ANXA8: variants seen among roughly 807,000 people sequenced by gnomAD.
ANXA8 encodes the protein annexin A8, also known as VAC-beta.
Under a neutral mutation model 26.8 loss-of-function variants are expected in ANXA8, and 9 were observed. The observed-to-expected ratio is 0.34, with a 90% CI of 0.20 to 0.59. The LOEUF is 0.59. ANXA8 is among the 20% of genes least tolerant of loss of function. The pLI is 0.84. For missense variants in ANXA8, 83 were observed against 238.5 expected, an observed-to-expected ratio of 0.35 and a Z score of 4.29; for synonymous variants, 39 against 94.8, an observed-to-expected ratio of 0.41 and a Z score of 3.42.
chr10:47,626,135 T>C, the ANXA8 span, among the ~76,000 whole-genome samples: 32 of 150,346 alleles, frequency 2.1e-4, 3 homozygotes, highest in African/African-American at 6.8e-4. Context: ...TTTGAATAAA[T>C]TGAAACATAA....
At chr10:47,661,112 T>C in the ANXA8 span, among the ~76,000 whole-genome samples, 1 of 133,730 alleles carries the variant, frequency 7.5e-6, no homozygotes, top group Non-Finnish European at 1.5e-5. Flanking sequence ...GAAGCCATGG[T>C]TTTTAGTTTC....
chr10:47,534,521 C>T, the ANXA8 span, among the ~76,000 whole-genome samples: 2 of 139,880 alleles, frequency 1.4e-5, no homozygotes, highest in South Asian at 2.3e-4. Flanking sequence ...GAATCCATTG[C>T]CCATTTACAA....
chr10:47,496,930 T>C, the ANXA8 span, among the ~76,000 whole-genome samples: 1 of 132,612 alleles, frequency 7.5e-6, no homozygotes, highest in Non-Finnish European at 1.6e-5. Flanking sequence ...GCTGGGTTTC[T>C]CCATTGTAAA....
the ANXA8 span, among the ~76,000 whole-genome samples, chr10:47,609,323 T>G: frequency 6.9e-6 from 1 of 145,428 alleles, no homozygotes; most frequent in Non-Finnish European, 1.5e-5. Context: ...GAAAAAGATG[T>G]TTCCAGAAAA....
the ANXA8 span, among the ~76,000 whole-genome samples, chr10:47,673,603 G>A: frequency 1.4e-4 from 21 of 151,474 alleles, no homozygotes; most frequent in Non-Finnish European, 2.9e-5. Context: ...GGAGAATCTA[G>A]CAAACCAAAC....
At chr10:47,700,723 G>C in the ANXA8 span, among the ~76,000 whole-genome samples, 1 of 151,286 alleles carries the variant, frequency 6.6e-6, no homozygotes, top group Non-Finnish European at 1.5e-5. Context: ...TGACAAACTT[G>C]GAGAAAATAT....
the ANXA8 span, among the ~76,000 whole-genome samples, chr10:47,721,289 T>C: frequency 1.4e-5 from 2 of 142,042 alleles, no homozygotes; most frequent in Non-Finnish European, 3.1e-5. Flanking sequence ...TGGACAAAAA[T>C]ACTGCTCAAT....
chr10:47,982,813 T>C, the ANXA8 span, among the ~76,000 whole-genome samples: 67 of 57,962 alleles, frequency 1.2e-3, no homozygotes, highest in East Asian at 2.6e-3. Flanking sequence ...TATATATATA[T>C]ATATATATAT....
chr10:47,670,893 G>C, the ANXA8 span, among the ~76,000 whole-genome samples: 1 of 150,644 alleles, frequency 6.6e-6, no homozygotes, highest in Non-Finnish European at 1.5e-5. Context: ...GGTGTCATTT[G>C]TGTTTATTTA....
the ANXA8 span, among the ~76,000 whole-genome samples, chr10:47,533,435 G>GA: frequency 0.16 from 23,557 of 144,102 alleles, 1,536 homozygotes; most frequent in East Asian, 0.45. Context: ...CTCTGTGTCA[G>GA]AAAAATTTCT....
chr10:47,580,456 C>A, the ANXA8 span, among the ~76,000 whole-genome samples: 1 of 151,164 alleles, frequency 6.6e-6, no homozygotes, highest in Non-Finnish European at 1.5e-5. Flanking sequence ...ATATGAAGGG[C>A]CACATGTGTT....
At chr10:47,497,084 G>A in the ANXA8 span, among the ~76,000 whole-genome samples, 1 of 151,424 alleles carries the variant, frequency 6.6e-6, no homozygotes, top group Admixed American at 6.6e-5. Flanking sequence ...ACTTTGGGAT[G>A]CCGATGTGGG....
the ANXA8 span, among the ~76,000 whole-genome samples, chr10:47,594,918 C>G: frequency 1.3e-5 from 2 of 149,324 alleles, no homozygotes; most frequent in African/African-American, 2.6e-5. Context: ...CAGAGAACCT[C>G]TGTTATACAC....
At chr10:47,534,313 T>C in the ANXA8 span, among the ~76,000 whole-genome samples, 2 of 128,714 alleles carry the variant, frequency 1.6e-5, no homozygotes, top group Non-Finnish European at 3.1e-5. Flanking sequence ...GACTCCACTC[T>C]TCCAACTCAG....
the ANXA8 span, among the ~76,000 whole-genome samples, chr10:47,499,894 T>G: frequency 6.8e-6 from 1 of 147,020 alleles, no homozygotes. Flanking sequence ...TGCCATGCCA[T>G]GTAACTGAGG....
the ANXA8 span, among the ~76,000 whole-genome samples, chr10:47,493,137 T>C: frequency 2.6e-5 from 4 of 151,322 alleles, no homozygotes; most frequent in Admixed American, 1.3e-4. Flanking sequence ...TGGGCAGGGG[T>C]GAATCGGGGC....
At chr10:47,603,590 C>A in the ANXA8 span, among the ~76,000 whole-genome samples, 2 of 147,674 alleles carry the variant, frequency 1.4e-5, no homozygotes, top group Non-Finnish European at 2.9e-5. Context: ...CAGCTCACTA[C>A]AACCTCCACT....
the ANXA8 span, among the ~76,000 whole-genome samples, chr10:47,552,130 A>G: frequency 6.6e-6 from 1 of 151,752 alleles, no homozygotes; most frequent in Non-Finnish European, 1.5e-5. Context: ...GTTATGCTAT[A>G]AATTAGATGA....
chr10:47,650,852 G>A, the ANXA8 span, among the ~76,000 whole-genome samples: 1 of 146,904 alleles, frequency 6.8e-6, no homozygotes, highest in African/African-American at 2.5e-5. Context: ...TTTCTCCAAA[G>A]AAAATGTGCA....
Sources: gnomAD v4.1 joint callset for allele counts (sites outside exome capture counted in the v4.1 genomes callset) on GRCh38, gnomAD v4.1.1 for gene constraint, MANE v1.5 for transcripts, NCBI Gene and HGNC (gene_info 2026-07-23, HGNC 2026-07-21) for gene names.